Variants in TSC22D1 observed in about 807,000 individuals in gnomAD.
TSC22D1 encodes the protein TSC22 domain family member 1, also known as TSC22 domain family protein 1.
TSC22D1 carries 9 observed loss-of-function variants against 74.2 expected under a neutral mutation model. That is an observed-to-expected ratio of 0.12 (90% CI 0.07 to 0.21). The LOEUF (loss-of-function observed/expected upper bound fraction) is 0.21, where lower values mean the gene tolerates loss of function less well. TSC22D1 is among the 10% of genes least tolerant of loss of function. The probability of loss-of-function intolerance (pLI) is 1.00; values close to 1 mark genes in which losing one functional copy is unlikely to be tolerated. For synonymous variants in TSC22D1, 586 were observed against 492.5 expected (o/e 1.19, Z -2.51); for missense variants, 1,427 against 1,304.7 (o/e 1.09, Z -1.44).
chr13:44,536,562 T>C (rs575172624), intron 1 of TSC22D1, among the ~76,000 whole-genome samples: 2 of 152,008 alleles, frequency 1.3e-5, no homozygotes, highest in African/African-American at 2.4e-5. Flanking sequence ...CAAAACATTT[T>C]TCATTTCAAC....
At chr13:44,457,460 T>C (rs1313638535) in intron 1 of TSC22D1, among the ~76,000 whole-genome samples, 2 of 152,054 alleles carry the variant, frequency 1.3e-5, no homozygotes, top group African/African-American at 2.4e-5. Flanking sequence ...GATGAGAACA[T>C]GTGGTATCTC....
Position 44,434,271 on chromosome 13 carries a change from A to T in TSC22D1, c.*355T>A. 1.4e-6 allele frequency: 2 copies of T among 1,389,374 alleles called. No individual in the cohort carries two copies. Among genetic ancestry groups the T allele is most frequent in the Non-Finnish European group, 1.8e-6 (2 of 1,082,898 alleles). 86.1% of individuals were successfully genotyped at this position (1,389,374 alleles called of 1,614,324 possible). A position where few individuals can be genotyped will look rare whatever the true frequency, so the allele number is the denominator to read the frequency against. ...CAACCCCATGTAGGACACTAAGCGC[A>T]AGCAGGAGAGAGAACCCTTGGAAGT... On this transcript the variant is annotated 3_prime_UTR_variant, in exon 3 of 3. Coordinates refer to ENST00000458659, the MANE Select transcript of TSC22D1 (RefSeq NM_183422.4).
chr13:44,522,057 G>T (rs1880342440), intron 1 of TSC22D1, among the ~76,000 whole-genome samples: 1 of 152,180 alleles, frequency 6.6e-6, no homozygotes, highest in Non-Finnish European at 1.5e-5. Context: ...TAGTAGTAAA[G>T]AATTGATGTA....
At chr13:44,444,151 C>T (rs912500053) in intron 1 of TSC22D1, among the ~76,000 whole-genome samples, 39 of 151,372 alleles carry the variant, frequency 2.6e-4, no homozygotes, top group African/African-American at 7.3e-4. Context: ...TAGTGGCATA[C>T]GCCTGTAATC....
intron 1 of TSC22D1, among the ~76,000 whole-genome samples, chr13:44,558,585 C>T (rs1882839919): frequency 6.6e-6 from 1 of 151,862 alleles, no homozygotes; most frequent in Non-Finnish European, 1.5e-5. Flanking sequence ...ACTAAAAATA[C>T]AAAAATTAGC....
At chr13:44,563,728 T>A (rs1364616957) in intron 1 of TSC22D1, among the ~76,000 whole-genome samples, 1 of 152,228 alleles carries the variant, frequency 6.6e-6, no homozygotes, top group East Asian at 1.9e-4. Context: ...ACACCATCTG[T>A]GAACTTTGCT....
chr13:44,521,823 G>C (rs1447308376), intron 1 of TSC22D1, among the ~76,000 whole-genome samples: 2 of 152,054 alleles, frequency 1.3e-5, no homozygotes, highest in East Asian at 1.9e-4. Context: ...CTTTCTAACA[G>C]CACTAAAATG....
intron 1 of TSC22D1, among the ~76,000 whole-genome samples, chr13:44,446,126 A>AG: frequency 6.6e-6 from 1 of 152,386 alleles, no homozygotes; most frequent in Non-Finnish European, 1.5e-5. Flanking sequence ...ACTCAACTGG[A>AG]GAAAAGATAA....
chr13:44,525,875 C>T (rs1283219728), intron 1 of TSC22D1, among the ~76,000 whole-genome samples: 4 of 150,836 alleles, frequency 2.7e-5, no homozygotes, highest in East Asian at 3.9e-4. Context: ...CTAAGGTGAG[C>T]GGACTGCCTT....
intron 1 of TSC22D1, among the ~76,000 whole-genome samples, chr13:44,461,366 G>GGGCCATACTACCA (rs1876987930): frequency 6.6e-6 from 1 of 152,130 alleles, no homozygotes; most frequent in South Asian, 2.1e-4. Flanking sequence ...CTGGCCCATA[G>GGGCCATACTACCA]TCCAGAAGGG....
At position 44,534,629 on chromosome 13, in the gene TSC22D1, C is replaced by T. The variant is rs1453749411; in HGVS notation, c.2912+38534G>A. The stretch of plus-strand genomic sequence containing the variant: ...TATTCCCTAGAGAATAATAGTATAT[C>T]ACTTTCTCCTGTCAATTATTTTATA... On this transcript the variant is annotated intron_variant, in intron 1 of 2. Transcript: ENST00000458659. Among the ~76,000 whole-genome samples the T allele has an allele frequency of 4.6e-5, 7 of 152,094 alleles. No individual in the cohort carries two copies. The East Asian group carries it at 1.3e-3, about 29-fold the overall frequency.
At chr13:44,512,536 T>C (rs775400753) in intron 1 of TSC22D1, among the ~76,000 whole-genome samples, 18 of 152,178 alleles carry the variant, frequency 1.2e-4, no homozygotes, top group Non-Finnish European at 2.5e-4. Context: ...GTTTCTCCTA[T>C]ATTCCCTATT....
At position 44,573,767 on chromosome 13, in the gene TSC22D1, T is replaced by G; in HGVS notation, c.2308A>C (p.Thr770Pro). 6.2e-7 allele frequency: 1 copy of G among 1,614,232 alleles called. No individual in the cohort carries two copies. Among genetic ancestry groups the G allele is most frequent in the Non-Finnish European group, 8.5e-7 (1 of 1,180,032 alleles). Residue 770 changes from threonine to proline, a missense_variant, in exon 1 of 3, where the codon ACT becomes CCT. Thr to Pro is a conservative substitution (Grantham distance 38, BLOSUM62 -1). Transcript: ENST00000458659. ...TGAACTCCCTGATGAATAATCCCAG[T>G]TTGAGCAGGTGGAACCACTTGCGAA... ...PSSQVVPPAQ[T>P]GIIHQGVQTS...
intron 1 of TSC22D1, among the ~76,000 whole-genome samples, chr13:44,504,757 C>T (rs973542749): frequency 6.6e-6 from 1 of 152,140 alleles, no homozygotes; most frequent in African/African-American, 2.4e-5. Flanking sequence ...CGGATTACCA[C>T]AATCTACAAT....
chr13:44,438,810 T>C (rs1365678796), intron 1 of TSC22D1, among the ~76,000 whole-genome samples: 5 of 152,186 alleles, frequency 3.3e-5, no homozygotes, highest in African/African-American at 1.2e-4. Context: ...CAGAATATTA[T>C]TTACTACATG....
chr13:44,562,630 A>G (rs1442928046), intron 1 of TSC22D1, among the ~76,000 whole-genome samples: 1 of 152,224 alleles, frequency 6.6e-6, no homozygotes, highest in Non-Finnish European at 1.5e-5. Flanking sequence ...TGCCTGGAAG[A>G]GACTGACAAT....
chr13:44,495,915 T>C (rs1343174239), intron 1 of TSC22D1, among the ~76,000 whole-genome samples: 1 of 152,212 alleles, frequency 6.6e-6, no homozygotes, highest in African/African-American at 2.4e-5. Context: ...AGAGTGTATA[T>C]TCATAACCTT....
In TSC22D1 at chr13:44,436,453, T is replaced by A; in HGVS notation, c.2913-358A>T. On this transcript the variant is annotated intron_variant, in intron 1 of 2. Coordinates refer to ENST00000458659, the MANE Select transcript of TSC22D1 (RefSeq NM_183422.4). ...CCTGGCTATCTTTCACCTGTATTAT[T>A]ATAAGTATCCCACGAATAAATTTAA... The A allele has an allele frequency of 6.9e-6, 11 of 1,592,090 alleles. 1 individual carries two copies. The highest frequency in any genetic ancestry group is 2.2e-5 in the East Asian group (1 of 44,766).
At position 44,576,030 on chromosome 13, in the gene TSC22D1, T is replaced by C; in HGVS notation, c.45A>G (p.Ala15=). Reference sequence around the variant, plus strand: ...GCGCCATCTTCCTAGCGCTAATGTCTGCAGCGGCGGCGGCCGCGGCGGTGG... The same window carrying C: ...GCGCCATCTTCCTAGCGCTAATGTCCGCAGCGGCGGCGGCCGCGGCGGTGG... ...PESTAAAAAA[A]DISARKMAHP... The change falls in exon 1 of 3, where the codon GCA becomes GCG. Residue 15 remains alanine (A), a synonymous_variant. Transcript: ENST00000458659. The C allele has an allele frequency of 6.3e-7, 1 of 1,581,786 alleles. No homozygotes were observed. Among genetic ancestry groups the C allele is most frequent in the Non-Finnish European group, 8.6e-7 (1 of 1,164,640 alleles).
Sources: allele counts gnomAD v4.1 joint callset (sites outside exome capture counted in the v4.1 genomes callset), GRCh38; gene constraint gnomAD v4.1.1; transcripts MANE v1.5; gene names NCBI Gene and HGNC (gene_info 2026-07-23, HGNC 2026-07-21).